The following TNNT1 variants were observed in gnomAD, a reference collection of about 807,000 sequenced individuals.
TNNT1 encodes the protein troponin T, slow skeletal muscle.
Under a neutral mutation model 50.6 loss-of-function variants are expected in TNNT1, and 53 were observed. The observed-to-expected ratio is 1.05, with a 90% CI of 0.84 to 1.32. The LOEUF is 1.32. Ranked by LOEUF, TNNT1 falls within the 40% of genes most tolerant of loss-of-function variation. The probability of loss-of-function intolerance (pLI) is 0.00; values close to 1 mark genes in which losing one functional copy is unlikely to be tolerated. For missense variants in TNNT1, 348 were observed against 381.7 expected (o/e 0.91, Z 0.74); for synonymous variants, 142 against 138.0 (o/e 1.03, Z -0.20).
At chr19:55,140,451 C>G (rs577645738) in intron 9 of TNNT1, among the ~76,000 whole-genome samples, 21 of 152,116 alleles carry the variant, frequency 1.4e-4, no homozygotes, top group Admixed American at 1.2e-3. Context: ...GCCTGGGTGA[C>G]AGAGCAAGAC....
At chr19:55,133,785 A>T (rs970983462) in intron 13 of TNNT1, 102 bp downstream of exon 13, 73 of 1,353,632 alleles carry the variant, frequency 5.4e-5, no homozygotes, top group Non-Finnish European at 7.7e-5. Context: ...AGGGGCAGAA[A>T]CTCAGGCAGT....
At position 55,141,917 on chromosome 19, in the gene TNNT1, G is replaced by A. The variant is rs961701508; in HGVS notation, c.132C>T (p.Arg44=). The change falls in exon 7 of 14, where the codon CGC becomes CGT. Residue 44 remains arginine (R), a synonymous_variant. Coordinates refer to ENST00000588981, the MANE Select transcript of TNNT1 (RefSeq NM_003283.6). ...GCGGGATCAAAGGAGGCACCACGGG[G>A]CGGCTGAGTGGACAGAAACACAGAG... The part of the protein sequence containing the change: ...EPEEERPKPS[R]PVVPPLIPPK... 6.2e-7 allele frequency: 1 copy of A among 1,614,060 alleles called. No individual in the cohort carries two copies.
chr19:55,136,357 A>G (rs1015196599), intron 11 of TNNT1, among the ~76,000 whole-genome samples: 2 of 152,018 alleles, frequency 1.3e-5, no homozygotes, highest in Non-Finnish European at 1.5e-5. Context: ...AAAGTGCTGG[A>G]ATTACAGGCA....
rs2147269256 is a variant in TNNT1, at chr19:55,147,151, C to G, written c.7G>C (p.Asp3His). 5 of 1,613,774 alleles carry G rather than the reference C, an allele frequency of 3.1e-6. No homozygotes were observed. The East Asian group carries it at 1.1e-4, about 36-fold the overall frequency. Residue 3 changes from aspartate to histidine, a missense_variant, in exon 2 of 14, where the codon GAC becomes CAC. Physicochemically the swap from Asp to His is moderately conservative, Grantham distance 81 (BLOSUM62 -1). Around this residue, in one of 3 missense-constraint regions of TNNT1, gnomAD observed 90 missense variants for 70.8 expected, o/e 1.27. Transcript: ENST00000588981. MS[D>H]TEEQEYEEEQ... Reference sequence around the variant, plus strand: ...TCCTCATATTCCTGCTCCTCGGTGTCCGACATCCTGGTGCGGCCTAAGGAC... The same window carrying G: ...TCCTCATATTCCTGCTCCTCGGTGTGCGACATCCTGGTGCGGCCTAAGGAC...
chr19:55,141,545 G>A (rs1382589653), intron 7 of TNNT1, among the ~76,000 whole-genome samples: 1 of 149,840 alleles, frequency 6.7e-6, no homozygotes, highest in Non-Finnish European at 1.5e-5. Flanking sequence ...GTGAAATGGC[G>A]CGATCTCGGC....
chr19:55,144,545 A>G (rs1007294786), intron 6 of TNNT1, among the ~76,000 whole-genome samples: 8 of 152,114 alleles, frequency 5.3e-5, no homozygotes, highest in African/African-American at 1.9e-4. Context: ...GTGCCCGGCT[A>G]ATTTTTTAAA....
At chr19:55,145,975 GCCCACCGC>G (rs138899769) in intron 5 of TNNT1, among the ~76,000 whole-genome samples, 22,547 of 123,542 alleles carry the variant, frequency 0.18, 2,372 homozygotes, top group African/African-American at 0.35. Flanking sequence ...CTCGCCCCCT[GCCCACCGC>G]CCCACCGCCC....
chr19:55,134,070 T>C lies in TNNT1; in HGVS notation c.746A>G (p.Tyr249Cys). Residue 249 changes from tyrosine to cysteine, a missense_variant, in exon 12 of 14, where the codon TAT (tyrosine) becomes TGT (cysteine). This residue lies in a region of TNNT1 where 253 missense variants were observed against 291.8 expected (regional missense o/e 0.87). Coordinates refer to ENST00000588981, the MANE Select transcript of TNNT1 (RefSeq NM_003283.6). Reference sequence around the variant, plus strand: ...CCCTGCGGAGCTGGGTCTCACCTCATATTTCTGCTGTTTCAGCTTCGCCAT... The same window carrying C: ...CCCTGCGGAGCTGGGTCTCACCTCACATTTCTGCTGTTTCAGCTTCGCCAT... Reference protein sequence around the residue: ...DLMAKLKQQKYEINVLYNRIS... With the variant: ...DLMAKLKQQKCEINVLYNRIS... The C allele has an allele frequency of 6.2e-7, 1 of 1,612,958 alleles. No individual in the cohort carries two copies. Among genetic ancestry groups the C allele is most frequent in the Non-Finnish European group, 8.5e-7 (1 of 1,179,816 alleles).
At chr19:55,140,078 G>A (rs1047923665) in intron 9 of TNNT1, among the ~76,000 whole-genome samples, 3 of 151,380 alleles carry the variant, frequency 2.0e-5, no homozygotes, top group Admixed American at 1.3e-4. Context: ...AGCTGAGATC[G>A]CGTCACTGCA....
intron 8 of TNNT1, 83 bp from the exon 9 acceptor site, chr19:55,141,043 G>A (rs889679322): frequency 2.6e-6 from 4 of 1,560,186 alleles, no homozygotes; most frequent in African/African-American, 2.7e-5. Flanking sequence ...ACAGATTGGA[G>A]TGTGGCCACC....
At chr19:55,138,635 A>T (rs1262676198) in intron 9 of TNNT1, among the ~76,000 whole-genome samples, 1 of 151,934 alleles carries the variant, frequency 6.6e-6, no homozygotes, top group African/African-American at 2.4e-5. Flanking sequence ...AGAAGAAGAA[A>T]TGCCTGCTTT....
At chr19:55,136,744 A>G (rs1412329339) in intron 11 of TNNT1, among the ~76,000 whole-genome samples, 1 of 152,092 alleles carries the variant, frequency 6.6e-6, no homozygotes, top group Non-Finnish European at 1.5e-5. Context: ...TCAGCTGGAA[A>G]ATTCTCACCC....
At position 55,132,755 on chromosome 19, in the gene TNNT1, G is replaced by C. The variant is rs10414711; in HGVS notation, c.*160C>G. The C allele has an allele frequency of 0.28, 192,723 of 698,570 alleles. 28,041 individuals carry two copies. Among genetic ancestry groups the C allele is most frequent in the South Asian group, 0.42 (25,070 of 60,014 alleles). 43.3% of individuals were successfully genotyped at this position (698,570 alleles called of 1,614,324 possible). A position where few individuals can be genotyped will look rare whatever the true frequency, so the allele number is the denominator to read the frequency against. On this transcript the variant is annotated 3_prime_UTR_variant, in exon 14 of 14. Coordinates refer to ENST00000588981, the MANE Select transcript of TNNT1 (RefSeq NM_003283.6). ...TTGGTGACACTCTTTCAAGTAACTT[G>C]TTGGTAATAAGAAGTCAATTAACCA...
chr19:55,132,841 G>A lies in TNNT1; in HGVS notation c.*74C>T, dbSNP rs1358786049. ...AGAGAACCCAGCGGGTGTCTGAGGG[G>A]AGCGTTTATTTCAAGCTACCGATGG... On this transcript the variant is annotated 3_prime_UTR_variant, in exon 14 of 14. Transcript: ENST00000588981. 7.1e-7 allele frequency: 1 copy of A among 1,409,986 alleles called. No individual in the cohort carries two copies. The highest frequency in any genetic ancestry group is 1.4e-5 in the African/African-American group (1 of 70,494). The allele number at this position is 1,409,986 out of a possible 1,614,324, so 87.3% of individuals were successfully genotyped here.
chr19:55,133,792 C>G (rs919433048), intron 13 of TNNT1, 95 bp downstream of exon 13: 5 of 1,408,730 alleles, frequency 3.5e-6, no homozygotes, highest in Non-Finnish European at 5.0e-6. Context: ...GAAACTCAGG[C>G]AGTGGGGGAT....
chr19:55,145,414 G>A (rs982637071), intron 6 of TNNT1, 130 bp downstream of exon 6: 49 of 789,048 alleles, frequency 6.2e-5, no homozygotes, highest in South Asian at 5.8e-4. Flanking sequence ...AGGAGGAGGA[G>A]GAGGAGAAAT....
At chr19:55,138,787 C>T (rs1489378920) in intron 9 of TNNT1, among the ~76,000 whole-genome samples, 1 of 152,170 alleles carries the variant, frequency 6.6e-6, no homozygotes, top group Non-Finnish European at 1.5e-5. Flanking sequence ...AGGGAAGTAA[C>T]TGGTGATAAG....
rs1406720435 is a variant in TNNT1 at position 55,149,188 on chromosome 19, C to G, written c.-39G>C. ...AGGCTGTGTCTGAGATGCTGTGAAT[C>G]TTGAGGCTGAGCCTTGCTGAGGGCA... On this transcript the variant is annotated 5_prime_UTR_variant, in exon 1 of 14. Coordinates refer to ENST00000588981, the MANE Select transcript of TNNT1 (RefSeq NM_003283.6). 4 of 456,204 alleles carry G rather than the reference C, an allele frequency of 8.8e-6. No homozygotes were observed. The East Asian group carries it at 2.1e-4, about 24-fold the overall frequency. The allele number at this position is 456,204 out of a possible 1,614,324, so 28.3% of individuals were successfully genotyped here.
intron 11 of TNNT1, 29 bp downstream of exon 11, chr19:55,137,074 C>A: frequency 7.2e-7 from 1 of 1,396,004 alleles, no homozygotes; most frequent in South Asian, 1.2e-5. Flanking sequence ...ACCCAGGCCC[C>A]TACACCCCGA....
Sources: allele counts gnomAD v4.1 joint callset (sites outside exome capture counted in the v4.1 genomes callset), GRCh38; gene constraint gnomAD v4.1.1; regional missense constraint gnomAD v4.1.1; transcripts MANE v1.5; gene names NCBI Gene and HGNC (gene_info 2026-07-23, HGNC 2026-07-21).